Variants in VIRMA observed in about 807,000 individuals in gnomAD.
VIRMA encodes vir like m6A methyltransferase associated.
VIRMA carries 65 observed loss-of-function variants against 182.4 expected under a neutral mutation model. The observed-to-expected ratio is 0.36, with a 90% CI of 0.29 to 0.44. The LOEUF (loss-of-function observed/expected upper bound fraction) is 0.44, where lower values mean the gene tolerates loss of function less well. Among genes scored for constraint, VIRMA ranks in the 20% least tolerant of loss-of-function variants. VIRMA has a pLI of 1.00. For missense variants in VIRMA, 1,752 were observed against 2,158.1 expected (o/e 0.81, Z 3.73); for synonymous variants, 709 against 743.1 (o/e 0.95, Z 0.75).
At chr8:94,524,776 A>C (rs1375408415) in intron 8 of VIRMA, among the ~76,000 whole-genome samples, 4 of 152,186 alleles carry the variant, frequency 2.6e-5, no homozygotes, top group African/African-American at 7.2e-5. Flanking sequence ...TGCTACATTA[A>C]ACTACTTTTG....
At chr8:94,522,198 CTG>C (rs1416243369) in intron 8 of VIRMA, among the ~76,000 whole-genome samples, 1 of 152,144 alleles carries the variant, frequency 6.6e-6, no homozygotes, top group Non-Finnish European at 1.5e-5. Flanking sequence ...AAACATGTCA[CTG>C]TTGCTATTTA....
intron 8 of VIRMA, among the ~76,000 whole-genome samples, chr8:94,525,883 A>G (rs1814942315): frequency 6.6e-6 from 1 of 152,220 alleles, no homozygotes; most frequent in Non-Finnish European, 1.5e-5. Flanking sequence ...TTCACACAGA[A>G]GAGCTCTCCT....
intron 4 of VIRMA, among the ~76,000 whole-genome samples, 192 bp from the exon 5 acceptor site, chr8:94,535,199 C>G (rs1203363701): frequency 6.6e-6 from 1 of 152,162 alleles, no homozygotes; most frequent in Non-Finnish European, 1.5e-5. Context: ...ATAACTACAC[C>G]TGCACCTGTC....
chr8:94,516,985 T>C (rs1814581545), intron 10 of VIRMA, among the ~76,000 whole-genome samples: 1 of 152,218 alleles, frequency 6.6e-6, no homozygotes, highest in African/African-American at 2.4e-5. Flanking sequence ...ATTAGGTATA[T>C]TAAACTTGTC....
At chr8:94,521,353 G>C (rs968158667) in intron 8 of VIRMA, among the ~76,000 whole-genome samples, 1 of 152,008 alleles carries the variant, frequency 6.6e-6, no homozygotes, top group Non-Finnish European at 1.5e-5. Flanking sequence ...ATGGCTTCCA[G>C]CTTCATCTAT....
rs1394280963 is a variant in VIRMA, at chr8:94,518,985, C to T, written c.2513G>A (p.Gly838Asp). The part of the protein sequence containing the change: ...LMEYYSKEAL[G>D]DSKSKKSVAY... ...ATTTAAGGAGTAAGTAGGAAATTAC[C>T]CCAAGGCTTCTTTGGAATAGTACTC... The change falls in exon 9 of 24, where the codon GGT (glycine) becomes GAT (aspartate). Residue 838 changes from glycine to aspartate, a missense_variant and splice_region_variant. Around this residue, in one of 11 missense-constraint regions of VIRMA, gnomAD observed 777 missense variants for 920.6 expected, o/e 0.84. Coordinates refer to ENST00000297591, the MANE Select transcript of VIRMA (RefSeq NM_015496.5). The T allele has an allele frequency of 6.3e-7, 1 of 1,592,636 alleles. No individual in the cohort carries two copies. The highest frequency in any genetic ancestry group is 1.4e-5 in the African/African-American group (1 of 73,686).
At position 94,543,926 on chromosome 8, in the gene VIRMA, T is replaced by A; in HGVS notation, c.80A>T (p.Asp27Val). 1 of 1,606,736 alleles carries A rather than the reference T, an allele frequency of 6.2e-7. No homozygotes were observed. Among genetic ancestry groups the A allele is most frequent in the Non-Finnish European group, 8.5e-7 (1 of 1,174,400 alleles). ...AACCACACATGGAAAACGAACCACATCTATATGAGAACTTTGCTGTAACAA... is the reference window on the plus strand; with the variant it reads ...AACCACACATGGAAAACGAACCACAACTATATGAGAACTTTGCTGTAACAA... ...HPSAEQSSHI[D>V]VVRFPCVVYI... is the part of the protein sequence containing the mutation. The change falls in exon 2 of 24, where the codon GAT becomes GTT. Residue 27 changes from aspartate (D) to valine (V), a missense_variant. Physicochemically the swap from Asp to Val is radical, Grantham distance 152. This residue lies in a region of VIRMA where 195 missense variants were observed against 191.7 expected (regional missense o/e 1.02). Transcript: ENST00000297591.
chr8:94,508,003 A>G (rs1814232184), intron 15 of VIRMA, among the ~76,000 whole-genome samples: 1 of 150,420 alleles, frequency 6.6e-6, no homozygotes, highest in Non-Finnish European at 1.5e-5. Context: ...ATATAAGTAT[A>G]TATATATACT....
intron 2 of VIRMA, among the ~76,000 whole-genome samples, chr8:94,540,672 G>C (rs1321404634): frequency 6.6e-6 from 1 of 151,796 alleles, no homozygotes; most frequent in Non-Finnish European, 1.5e-5. Flanking sequence ...ATGTTGGCCA[G>C]GCTGGTCTCA....
chr8:94,512,594 T>G (rs866587567), intron 11 of VIRMA: 7 of 152,194 alleles, frequency 4.6e-5, no homozygotes, highest in African/African-American at 1.7e-4. Flanking sequence ...CTGGGCAACA[T>G]AGTGAGACCC....
intron 3 of VIRMA, 34 bp downstream of exon 3, chr8:94,538,226 G>C (rs1477344509): frequency 1.5e-6 from 2 of 1,365,184 alleles, no homozygotes; most frequent in Non-Finnish European, 2.1e-6. Flanking sequence ...ACTAACTCAT[G>C]AGTTTCTGGT....
rs116394589 is a variant in VIRMA, at chr8:94,506,374, T to C, written c.4097+126A>G. On this transcript the variant is annotated intron_variant, in intron 16 of 23. Transcript: ENST00000297591. ...ATTAATCTTTTCCATACACACAAAATTTCTCCCACGAAAGAAATCATTTCT... is the reference window on the plus strand; with the variant it reads ...ATTAATCTTTTCCATACACACAAAACTTCTCCCACGAAAGAAATCATTTCT... The C allele has an allele frequency of 2.2e-3, 1,343 of 617,714 alleles. 21 individuals carry two copies. In the African/African-American group the frequency reaches 0.023, roughly 11 times the overall value. 38.3% of individuals were successfully genotyped at this position (617,714 alleles called of 1,614,324 possible).
Position 94,491,609 on chromosome 8 carries a change from C to G in VIRMA, c.5109G>C (p.Gln1703His). Reference sequence around the variant, plus strand: ...AAGCAGGTGGTGTGAAAAACCTATTCTGACTGTGGAAAGCACCCCGTCCTC... The same window carrying G: ...AAGCAGGTGGTGTGAAAAACCTATTGTGACTGTGGAAAGCACCCCGTCCTC... ...NRGGRGAFHS[Q>H]NRFFTPPASK... The change falls in exon 22 of 24, where the codon CAG becomes CAC. Residue 1703 changes from glutamine to histidine, a missense_variant. Physicochemically the swap from Gln to His is conservative, Grantham distance 24 (BLOSUM62 0). This residue lies in a region of VIRMA where 132 missense variants were observed against 173.8 expected (regional missense o/e 0.76). Transcript: ENST00000297591. 6.2e-7 allele frequency: 1 copy of G among 1,613,872 alleles called. No individual in the cohort carries two copies. Among genetic ancestry groups the G allele is most frequent in the Non-Finnish European group, 8.5e-7 (1 of 1,179,816 alleles).
At chr8:94,541,989 G>T (rs1486655451) in intron 2 of VIRMA, among the ~76,000 whole-genome samples, 1 of 152,196 alleles carries the variant, frequency 6.6e-6, no homozygotes, top group Non-Finnish European at 1.5e-5. Context: ...AAAAGGAAGA[G>T]GGTTAAGATA....
At chr8:94,533,288 G>A (rs527257917) in intron 5 of VIRMA, among the ~76,000 whole-genome samples, 1 of 152,042 alleles carries the variant, frequency 6.6e-6, no homozygotes, top group African/African-American at 2.4e-5. Flanking sequence ...AGAAAAAAAA[G>A]AGCTCACACC....
intron 7 of VIRMA, 141 bp downstream of exon 7, chr8:94,528,929 T>G (rs548113147): frequency 1.0e-6 from 1 of 992,170 alleles, no homozygotes; most frequent in South Asian, 1.6e-5. Flanking sequence ...TTTCTAGTCA[T>G]GCCTTGAGGC....
At chr8:94,536,753 T>C (rs1316503508) in intron 4 of VIRMA, among the ~76,000 whole-genome samples, 1 of 151,976 alleles carries the variant, frequency 6.6e-6, no homozygotes, top group African/African-American at 2.4e-5. Flanking sequence ...GCCGAGGCGG[T>C]TGGATCACGA....
intron 14 of VIRMA, 36 bp downstream of exon 14, chr8:94,510,381 T>G: frequency 6.5e-7 from 1 of 1,547,834 alleles, no homozygotes; most frequent in Non-Finnish European, 8.9e-7. Flanking sequence ...TCAAAAATAA[T>G]TTGAGGAAAA....
chr8:94,507,380 C>G (rs1198970883), intron 15 of VIRMA, among the ~76,000 whole-genome samples: 1 of 151,788 alleles, frequency 6.6e-6, no homozygotes, highest in Non-Finnish European at 1.5e-5. Context: ...GGTGATCCAC[C>G]TGCCTCGGCC....
Sources: allele counts gnomAD v4.1 joint callset (sites outside exome capture counted in the v4.1 genomes callset), GRCh38; gene constraint gnomAD v4.1.1; regional missense constraint gnomAD v4.1.1; transcripts MANE v1.5; gene names NCBI Gene and HGNC (gene_info 2026-07-23, HGNC 2026-07-21).